Variants in PRELID2 observed in about 807,000 individuals in gnomAD.
PRELID2 encodes the protein PRELI domain-containing protein 2.
PRELID2 carries 25 observed loss-of-function variants against 28.4 expected under a neutral mutation model. The observed-to-expected ratio is 0.88, with a 90% CI of 0.64 to 1.23. PRELID2 has a LOEUF of 1.23. PRELID2 is among the 50% of genes most tolerant of loss of function. PRELID2 has a pLI of 0.00. For synonymous variants in PRELID2, 76 were observed against 71.6 expected, an observed-to-expected ratio of 1.06 and a Z score of -0.31; for missense variants, 201 against 214.4, an observed-to-expected ratio of 0.94 and a Z score of 0.39.
At chr5:145,348,106 A>C in the PRELID2 span, among the ~76,000 whole-genome samples, 1 of 152,182 alleles carries the variant, frequency 6.6e-6, no homozygotes, top group Non-Finnish European at 1.5e-5. Flanking sequence ...TCAGCAAGGA[A>C]TCCATGATCA....
intron 1 of PRELID2, among the ~76,000 whole-genome samples, chr5:145,586,405 G>C (rs1305061009): frequency 6.6e-6 from 1 of 152,056 alleles, no homozygotes; most frequent in African/African-American, 2.4e-5. Context: ...CAATTTGGGA[G>C]GCTGAGGCAG....
At chr5:145,627,097 CAAAAAA>C (rs745309247) in intron 1 of PRELID2, among the ~76,000 whole-genome samples, 1 of 41,826 alleles carries the variant, frequency 2.4e-5, no homozygotes, top group African/African-American at 7.4e-5. Context: ...AAGACTCTCC[CAAAAAA>C]AAAAAAAAAA....
At chr5:145,240,945 T>G in the PRELID2 span, among the ~76,000 whole-genome samples, 2 of 152,036 alleles carry the variant, frequency 1.3e-5, no homozygotes, top group Non-Finnish European at 2.9e-5. Context: ...TGATCTCCTA[T>G]GCTGGCTCAG....
At chr5:145,307,800 A>T in the PRELID2 span, among the ~76,000 whole-genome samples, 3 of 152,148 alleles carry the variant, frequency 2.0e-5, no homozygotes, top group Non-Finnish European at 4.4e-5. Flanking sequence ...CAGGAAAAAA[A>T]AAAATTTGCT....
At chr5:145,648,336 G>C (rs1219800084) in intron 1 of PRELID2, among the ~76,000 whole-genome samples, 1 of 151,972 alleles carries the variant, frequency 6.6e-6, no homozygotes, top group East Asian at 1.9e-4. Flanking sequence ...TGTTTGAAAG[G>C]ATGCAAACAG....
the PRELID2 span, among the ~76,000 whole-genome samples, chr5:145,343,008 T>C: frequency 6.6e-6 from 1 of 151,616 alleles, no homozygotes; most frequent in South Asian, 2.1e-4. Flanking sequence ...CTAGAATACC[T>C]AGATTTATAA....
At chr5:145,589,180 G>A (rs1753193434) in intron 1 of PRELID2, among the ~76,000 whole-genome samples, 1 of 152,034 alleles carries the variant, frequency 6.6e-6, no homozygotes, top group East Asian at 1.9e-4. Context: ...CTGTATTTTT[G>A]CATCATCCTT....
intron 1 of PRELID2, among the ~76,000 whole-genome samples, chr5:145,491,814 T>C (rs1301967003): frequency 3.3e-5 from 5 of 152,174 alleles, no homozygotes; most frequent in Non-Finnish European, 7.3e-5. Flanking sequence ...TTTCTGTGTT[T>C]GGCTTATTTC....
At chr5:145,346,884 T>C in the PRELID2 span, among the ~76,000 whole-genome samples, 1 of 152,090 alleles carries the variant, frequency 6.6e-6, no homozygotes, top group Non-Finnish European at 1.5e-5. Flanking sequence ...AGAGATGAAA[T>C]TGAAAGCAAA....
At chr5:145,472,380 C>A (rs1295307017) in intron 2 of PRELID2, among the ~76,000 whole-genome samples, 1 of 152,076 alleles carries the variant, frequency 6.6e-6, no homozygotes, top group Admixed American at 6.5e-5. Context: ...CTTCATTTTT[C>A]ACAAGAGGAA....
intron 1 of PRELID2, among the ~76,000 whole-genome samples, chr5:145,726,158 G>C (rs1392807937): frequency 7.1e-6 from 1 of 140,674 alleles, no homozygotes; most frequent in Non-Finnish European, 1.5e-5. Flanking sequence ...GACAGAGCAA[G>C]ACACTATCTC....
chr5:145,522,402 C>A (rs1438148963), intron 1 of PRELID2, among the ~76,000 whole-genome samples: 2 of 151,878 alleles, frequency 1.3e-5, no homozygotes, highest in African/African-American at 4.8e-5. Flanking sequence ...CAGAGACACA[C>A]ACACACACAC....
At chr5:145,833,074 T>C (rs1285147735) in intron 1 of PRELID2, among the ~76,000 whole-genome samples, 1 of 152,208 alleles carries the variant, frequency 6.6e-6, no homozygotes, top group Admixed American at 6.5e-5. Flanking sequence ...CTCCCACATT[T>C]TTCTAGCACT....
At chr5:145,593,831 A>G (rs940664833) in intron 1 of PRELID2, among the ~76,000 whole-genome samples, 9 of 152,206 alleles carry the variant, frequency 5.9e-5, no homozygotes, top group African/African-American at 2.2e-4. Context: ...CAAGTGATAT[A>G]TCATTTAATC....
At chr5:145,456,209 T>C in the PRELID2 span, among the ~76,000 whole-genome samples, 1 of 152,214 alleles carries the variant, frequency 6.6e-6, no homozygotes, top group African/African-American at 2.4e-5. Flanking sequence ...CAGCTGACTT[T>C]TGTTTTTCTA....
chr5:145,677,468 T>A (rs1227899820), intron 1 of PRELID2, among the ~76,000 whole-genome samples: 1 of 152,148 alleles, frequency 6.6e-6, no homozygotes, highest in East Asian at 1.9e-4. Context: ...ATTATGTTTT[T>A]TAGGAATTGT....
chr5:145,517,583 C>T (rs1752527876), intron 1 of PRELID2, among the ~76,000 whole-genome samples: 1 of 152,112 alleles, frequency 6.6e-6, no homozygotes, highest in Non-Finnish European at 1.5e-5. Flanking sequence ...GACCGTGTGG[C>T]AATTCCTCAA....
chr5:145,331,139 CTGTT>C, the PRELID2 span, among the ~76,000 whole-genome samples: 1 of 152,062 alleles, frequency 6.6e-6, no homozygotes, highest in African/African-American at 2.4e-5. Flanking sequence ...GTCTGAGAGA[CTGTT>C]TGTTATGATT....
At chr5:145,753,757 G>C (rs1234408659), downstream of PRELID2, among the ~76,000 whole-genome samples, 1 of 152,162 alleles carries the variant, frequency 6.6e-6, no homozygotes, top group Non-Finnish European at 1.5e-5. Flanking sequence ...TGGCATCGGT[G>C]TTTTTTAAAG....
Sources: gnomAD v4.1 joint callset for allele counts (sites outside exome capture counted in the v4.1 genomes callset) on GRCh38, gnomAD v4.1.1 for gene constraint, MANE v1.5 for transcripts, NCBI Gene and HGNC (gene_info 2026-07-23, HGNC 2026-07-21) for gene names.